ARHGAP23: variants seen among roughly 807,000 people sequenced by gnomAD.
The protein encoded by ARHGAP23 is Rho GTPase activating protein 23, also known as rho GTPase-activating protein 23.
ARHGAP23 carries 34 observed loss-of-function variants against 136.3 expected under a neutral mutation model. The observed-to-expected ratio is 0.25, with a 90% confidence interval of 0.19 to 0.33. The LOEUF (loss-of-function observed/expected upper bound fraction) is 0.33, where lower values mean the gene tolerates loss of function less well. Ranked by LOEUF, ARHGAP23 falls within the 10% of genes least tolerant of loss-of-function variation. The pLI, the probability that ARHGAP23 is intolerant of heterozygous loss-of-function variation, is 1.00. For missense variants in ARHGAP23, 1,808 were observed against 2,139.0 expected (o/e 0.85, Z 3.05); for synonymous variants, 832 against 920.5 (o/e 0.90, Z 1.74).
Position 38,510,201 on chromosome 17 carries a change from G to T in ARHGAP23, c.3705G>T (p.Pro1235=), listed in dbSNP as rs958453911. ...GACGCCTCAGTCCCCCGGCGGCGCCGGAGGAGCGGCCGGCCGCGGACACGC... is the reference window on the plus strand; with the variant it reads ...GACGCCTCAGTCCCCCGGCGGCGCCTGAGGAGCGGCCGGCCGCGGACACGC... ...APGRLSPPAA[P]EERPAADTRS... is the part of the protein sequence containing the mutation. The change falls in exon 24 of 24, where the codon CCG becomes CCT. Residue 1235 remains proline, a synonymous_variant. Coordinates refer to ENST00000622683, the MANE Select transcript of ARHGAP23 (RefSeq NM_001199417.2). The surrounding 1 kb of genome is among the most constrained non-coding windows in gnomAD (Gnocchi z 4.6). 734 of 1,364,496 alleles carry T rather than the reference G, an allele frequency of 5.4e-4. No homozygotes were observed. Among genetic ancestry groups the T allele is most frequent in the Non-Finnish European group, 6.7e-4 (707 of 1,059,398 alleles). 84.5% of individuals were successfully genotyped at this position (1,364,496 alleles called of 1,614,324 possible).
chr17:38,469,599 G>T lies in ARHGAP23; in HGVS notation c.1880G>T (p.Gly627Val). The T allele has an allele frequency of 6.5e-7, 1 of 1,548,814 alleles. No homozygotes were observed. Among genetic ancestry groups the T allele is most frequent in the Non-Finnish European group, 8.7e-7 (1 of 1,146,742 alleles). ...GAGCGCTCCAAGTCCTGCGATGATG[G>T]ACTCAACACCTTCCGCGACGAGGGC... ...TTERSKSCDD[G>V]LNTFRDEGRV... is the part of the protein sequence containing the mutation. The change falls in exon 9 of 24, where the codon GGA becomes GTA. Residue 627 changes from glycine (G) to valine (V), a missense_variant. Gly to Val is a moderately radical substitution (Grantham distance 109). Transcript: ENST00000622683.
chr17:38,498,954 G>C (rs2040457877), intron 22 of ARHGAP23: 1 of 699,726 alleles, frequency 1.4e-6, no homozygotes, highest in Non-Finnish European at 2.6e-6. Flanking sequence ...AGATTTAAAG[G>C]GTACAGTGCG....
chr17:38,495,137 G>A (rs1267378832), intron 20 of ARHGAP23, among the ~76,000 whole-genome samples: 4 of 152,106 alleles, frequency 2.6e-5, no homozygotes, highest in Non-Finnish European at 4.4e-5. Context: ...CCATTTTAGA[G>A]ATAAGTAAAT....
intron 6 of ARHGAP23, among the ~76,000 whole-genome samples, chr17:38,463,953 C>G (rs2144632749): frequency 6.6e-6 from 1 of 152,178 alleles, no homozygotes; most frequent in South Asian, 2.1e-4. Context: ...CACAGTTCAC[C>G]CTCATACAGC....
intron 23 of ARHGAP23, among the ~76,000 whole-genome samples, chr17:38,503,396 G>A (rs1368295517): frequency 6.6e-6 from 1 of 152,236 alleles, no homozygotes; most frequent in Non-Finnish European, 1.5e-5. Context: ...AAGCAAGGCA[G>A]ATTTCCTGAA....
chr17:38,451,292 G>C (rs2039159794), intron 1 of ARHGAP23: 1 of 152,426 alleles, frequency 6.6e-6, no homozygotes, highest in Admixed American at 6.5e-5. Context: ...GTTTGTGTTG[G>C]AGGAATCTGT....
chr17:38,436,895 GGAAGCTGGGTA>G (rs2038810421), intron 1 of ARHGAP23, among the ~76,000 whole-genome samples: 1 of 152,196 alleles, frequency 6.6e-6, no homozygotes, highest in African/African-American at 2.4e-5. Flanking sequence ...ACTGGAAGCC[GGAAGCTGGGTA>G]GAATTGCCAC....
chr17:38,508,622 G>T (rs2040685143), intron 23 of ARHGAP23, among the ~76,000 whole-genome samples: 1 of 152,182 alleles, frequency 6.6e-6, no homozygotes, highest in African/African-American at 2.4e-5. Context: ...AACCCTATTA[G>T]GAGGGGCAGG....
At chr17:38,461,772 G>A (rs1053229557) in intron 3 of ARHGAP23, among the ~76,000 whole-genome samples, 1 of 152,132 alleles carries the variant, frequency 6.6e-6, no homozygotes, top group African/African-American at 2.4e-5. Context: ...TGGGTCTGCG[G>A]GAGTGGGCAT....
chr17:38,487,222 C>T (rs11656037), intron 17 of ARHGAP23, among the ~76,000 whole-genome samples: 8,361 of 152,282 alleles, frequency 0.055, 309 homozygotes, highest in Non-Finnish European at 0.083. Context: ...CGTGTCAGTG[C>T]AGAGAGCTCT....
chr17:38,469,662 G>C, intron 9 of ARHGAP23, 27 bp downstream of exon 9: 1 of 1,545,302 alleles, frequency 6.5e-7, no homozygotes, highest in Non-Finnish European at 8.7e-7. Flanking sequence ...ACACGGGGTG[G>C]GGTGGCCACA....
At chr17:38,442,003 C>G (rs1280190546) in intron 1 of ARHGAP23, among the ~76,000 whole-genome samples, 1 of 152,116 alleles carries the variant, frequency 6.6e-6, no homozygotes, top group East Asian at 1.9e-4. Flanking sequence ...GTCGCCCAGG[C>G]TGGAGTACAG....
chr17:38,485,884 G>GGC (rs1253087528), intron 16 of ARHGAP23, among the ~76,000 whole-genome samples, 178 bp from the exon 17 acceptor site: 1 of 152,210 alleles, frequency 6.6e-6, no homozygotes. Context: ...GTGAGTGTGG[G>GGC]CACAGGACCT....
In ARHGAP23 at chr17:38,486,051, C is replaced by T; in HGVS notation, c.2908-11C>T. The T allele has an allele frequency of 3.2e-6, 5 of 1,550,578 alleles. No individual in the cohort carries two copies. The highest frequency in any genetic ancestry group is 4.4e-6 in the Non-Finnish European group (5 of 1,146,666). Reference sequence around the variant, plus strand: ...GGCCTGCCTGTGCCTGACATCTGACCCCTCCCCCAGCGCTGGCAAGACCTC... The same window carrying T: ...GGCCTGCCTGTGCCTGACATCTGACTCCTCCCCCAGCGCTGGCAAGACCTC... On this transcript the variant is annotated splice_polypyrimidine_tract_variant and intron_variant, in intron 16 of 23. Transcript: ENST00000622683.
chr17:38,433,695 C>T (rs751843694), intron 1 of ARHGAP23, among the ~76,000 whole-genome samples: 3 of 152,182 alleles, frequency 2.0e-5, no homozygotes, highest in Non-Finnish European at 4.4e-5. Context: ...TGTCCCCAGC[C>T]TCTGGGAACA....
chr17:38,475,562 G>C (rs2039873775), intron 11 of ARHGAP23, among the ~76,000 whole-genome samples: 1 of 152,216 alleles, frequency 6.6e-6, no homozygotes, highest in Non-Finnish European at 1.5e-5. Flanking sequence ...CCAGCCACGG[G>C]GTCTCTTTGT....
chr17:38,511,115 G>C lies in ARHGAP23; in HGVS notation c.*143G>C. On this transcript the variant is annotated 3_prime_UTR_variant, in exon 24 of 24. Coordinates refer to ENST00000622683, the MANE Select transcript of ARHGAP23 (RefSeq NM_001199417.2). ...GGCGCAGCAGGCAGTGTCTCTAGTT[G>C]GTGTGCTGGAACTGGCAGGGCAGAG... 1 of 906,984 alleles carries C rather than the reference G, an allele frequency of 1.1e-6. No individual in the cohort carries two copies. The highest frequency in any genetic ancestry group is 1.5e-6 in the Non-Finnish European group (1 of 654,732). 56.2% of individuals were successfully genotyped at this position (906,984 alleles called of 1,614,324 possible). A position where few individuals can be genotyped will look rare whatever the true frequency, so the allele number is the denominator to read the frequency against.
chr17:38,477,565 G>C lies in ARHGAP23; in HGVS notation c.2119-14G>C. 7.9e-7 allele frequency: 1 copy of C among 1,263,184 alleles called. No homozygotes were observed. Among genetic ancestry groups the C allele is most frequent in the Non-Finnish European group, 1.0e-6 (1 of 1,002,870 alleles). The allele number at this position is 1,263,184 out of a possible 1,614,324, so 78.2% of individuals were successfully genotyped here. On this transcript the variant is annotated splice_polypyrimidine_tract_variant and intron_variant, in intron 11 of 23. Coordinates refer to ENST00000622683, the MANE Select transcript of ARHGAP23 (RefSeq NM_001199417.2). The surrounding 1 kb of genome is among the most constrained non-coding windows in gnomAD (Gnocchi z 6.6). Reference sequence around the variant, plus strand: ...CACCATTCCTGTCTCCCCCAACCCCGTGTCTCCCTGCAGAAAGCGGGCAGC... The same window carrying C: ...CACCATTCCTGTCTCCCCCAACCCCCTGTCTCCCTGCAGAAAGCGGGCAGC...
chr17:38,470,452 G>A (rs1012872502), intron 10 of ARHGAP23, among the ~76,000 whole-genome samples: 21 of 152,340 alleles, frequency 1.4e-4, no homozygotes, highest in African/African-American at 5.1e-4. Context: ...GAAAGGTGTG[G>A]CCGGGACACA....
Sources: gnomAD v4.1 joint callset for allele counts (sites outside exome capture counted in the v4.1 genomes callset) on GRCh38, gnomAD v4.1.1 for gene constraint, Gnocchi (gnomAD v3.1) non-coding constraint, MANE v1.5 for transcripts, NCBI Gene and HGNC (gene_info 2026-07-23, HGNC 2026-07-21) for gene names.